The following NRP1 variants were observed in gnomAD, a reference collection of about 807,000 sequenced individuals.
NRP1 encodes neuropilin-1.
A neutral mutation model predicts 106.7 loss-of-function variants in NRP1; 35 were observed. That is an observed-to-expected ratio of 0.33 (90% CI 0.25 to 0.43). NRP1 has a LOEUF of 0.43. Among genes scored for constraint, NRP1 ranks in the 20% least tolerant of loss-of-function variants. The probability of loss-of-function intolerance (pLI) is 1.00; values close to 1 mark genes in which losing one functional copy is unlikely to be tolerated. For missense variants in NRP1, 1,024 were observed against 1,170.4 expected, an observed-to-expected ratio of 0.87 and a Z score of 1.83; for synonymous variants, 437 against 417.9, an observed-to-expected ratio of 1.05 and a Z score of -0.56.
intron 12 of NRP1, among the ~76,000 whole-genome samples, chr10:33,196,597 G>C (rs1328402997): frequency 6.6e-6 from 1 of 152,134 alleles, no homozygotes; most frequent in Admixed American, 6.5e-5. Flanking sequence ...TTCATCTCTT[G>C]GTTTTGTAGA....
intron 2 of NRP1, 86 bp from the exon 3 acceptor site, chr10:33,270,942 A>G (rs1843268640): frequency 4.1e-6 from 5 of 1,205,500 alleles, no homozygotes; most frequent in African/African-American, 1.5e-5. Context: ...ATCATCCAGC[A>G]TAGTGTGCCA....
At chr10:33,304,991 T>C (rs974811541) in intron 2 of NRP1, among the ~76,000 whole-genome samples, 1 of 152,246 alleles carries the variant, frequency 6.6e-6, no homozygotes, top group African/African-American at 2.4e-5. Flanking sequence ...AAGAATGACT[T>C]GCTGTAGAGC....
At chr10:33,279,379 C>G (rs74759424) in intron 2 of NRP1, among the ~76,000 whole-genome samples, 1 of 152,190 alleles carries the variant, frequency 6.6e-6, no homozygotes, top group Non-Finnish European at 1.5e-5. Flanking sequence ...CAGGTTCTTG[C>G]AGCTGCAGGG....
intron 3 of NRP1, among the ~76,000 whole-genome samples, chr10:33,269,549 A>G (rs1843150434): frequency 6.6e-6 from 1 of 152,234 alleles, no homozygotes; most frequent in Non-Finnish European, 1.5e-5. Context: ...TGCTTTTTAA[A>G]AAGCTAATGG....
chr10:33,297,083 A>G (rs570058667), intron 2 of NRP1, among the ~76,000 whole-genome samples: 103 of 152,348 alleles, frequency 6.8e-4, no homozygotes, highest in Non-Finnish European at 1.2e-3. Flanking sequence ...TAAATCACAA[A>G]TTGGAAGCCA....
At chr10:33,238,171 C>T (rs746269692) in intron 6 of NRP1, among the ~76,000 whole-genome samples, 17 of 152,234 alleles carry the variant, frequency 1.1e-4, no homozygotes, top group South Asian at 2.1e-4. Context: ...AAACCTCAAC[C>T]TGCATGAGTC....
chr10:33,258,088 C>T (rs1321298790), intron 4 of NRP1, among the ~76,000 whole-genome samples: 2 of 152,168 alleles, frequency 1.3e-5, no homozygotes, highest in African/African-American at 4.8e-5. Flanking sequence ...GGAGAGACTT[C>T]AAGTGTGGTT....
chr10:33,276,876 A>T (rs1189860917), intron 2 of NRP1, among the ~76,000 whole-genome samples: 1 of 152,164 alleles, frequency 6.6e-6, no homozygotes, highest in Non-Finnish European at 1.5e-5. Context: ...GATCAAAGAC[A>T]TATGTCCCAT....
chr10:33,211,974 G>A (rs538257904), intron 9 of NRP1: 1 of 152,256 alleles, frequency 6.6e-6, no homozygotes, highest in South Asian at 2.1e-4. Flanking sequence ...GTCCATATTT[G>A]AATCCTAAAC....
chr10:33,202,658 T>G, intron 11 of NRP1: 1 of 1,543,498 alleles, frequency 6.5e-7, no homozygotes, highest in Non-Finnish European at 8.8e-7. Context: ...ATCCTAGCCT[T>G]TGGCTCTCGA....
chr10:33,213,296 A>G (rs1366027499), intron 9 of NRP1, 90 bp downstream of exon 9: 1 of 1,613,956 alleles, frequency 6.2e-7, no homozygotes, highest in Non-Finnish European at 8.5e-7. Context: ...CTGGAAGGAA[A>G]TAAGAAGCCC....
intron 7 of NRP1, 126 bp from the exon 8 acceptor site, chr10:33,221,989 G>A (rs950103620): frequency 1.7e-5 from 16 of 961,698 alleles, no homozygotes; most frequent in East Asian, 7.6e-5. Flanking sequence ...ATGAGATGGC[G>A]TTAATAACTC....
intron 9 of NRP1, among the ~76,000 whole-genome samples, chr10:33,209,501 G>C (rs1293707785): frequency 6.6e-6 from 1 of 152,104 alleles, no homozygotes; most frequent in African/African-American, 2.4e-5. Flanking sequence ...TTTAGAGATG[G>C]AGTCTTGCTC....
At chr10:33,329,098 G>T (rs1043532273) in intron 2 of NRP1, among the ~76,000 whole-genome samples, 2 of 152,108 alleles carry the variant, frequency 1.3e-5, no homozygotes, top group Non-Finnish European at 2.9e-5. Flanking sequence ...GATTGTCTAG[G>T]TGATTGACAC....
chr10:33,211,552 G>A (rs1415955486), intron 9 of NRP1: 1 of 152,248 alleles, frequency 6.6e-6, no homozygotes, highest in Non-Finnish European at 1.5e-5. Context: ...AGTTAAGGAA[G>A]GGAGAGATGG....
intron 2 of NRP1, among the ~76,000 whole-genome samples, chr10:33,274,761 T>C (rs1355709737): frequency 1.3e-5 from 2 of 152,128 alleles, no homozygotes; most frequent in Non-Finnish European, 2.9e-5. Context: ...TGGTGGTGTC[T>C]TTTTAATCTC....
intron 2 of NRP1, among the ~76,000 whole-genome samples, chr10:33,290,452 C>T (rs1354540063): frequency 2.6e-5 from 4 of 151,404 alleles, no homozygotes; most frequent in Admixed American, 2.0e-4. Flanking sequence ...TAATTCCAGT[C>T]GCCAGATGAT....
At position 33,306,355 on chromosome 10, in the gene NRP1, GGTGTGTGTGT is replaced by G. The variant is rs61242197; in HGVS notation, c.248+24343_248+24352del. The stretch of plus-strand genomic sequence containing the variant: ...GCTTTTGCATTCTGCGGGTCAGAAG[GGTGTGTGTGT>G]GTGTGTGTGTGTGTGTGTGTGCACG... On this transcript the variant is annotated intron_variant, in intron 2 of 16. Coordinates refer to ENST00000374867, the MANE Select transcript of NRP1 (RefSeq NM_003873.7). 8.1e-5 allele frequency among the ~76,000 whole-genome samples: 12 copies of G among 148,134 alleles called. No individual in the cohort carries two copies. In the South Asian group the frequency reaches 1.3e-3, roughly 16 times the overall value.
chr10:33,198,324 T>A (rs2132666702), intron 11 of NRP1, among the ~76,000 whole-genome samples: 1 of 151,852 alleles, frequency 6.6e-6, no homozygotes, highest in Non-Finnish European at 1.5e-5. Context: ...GTATTTTTAG[T>A]AGAGACAGGG....
Sources: allele counts gnomAD v4.1 joint callset (sites outside exome capture counted in the v4.1 genomes callset), GRCh38; gene constraint gnomAD v4.1.1; transcripts MANE v1.5; gene names NCBI Gene and HGNC (gene_info 2026-07-23, HGNC 2026-07-21).